LRMDA: variants seen among roughly 807,000 people sequenced by gnomAD.
The protein encoded by LRMDA is leucine rich melanocyte differentiation associated, also known as leucine-rich melanocyte differentiation-associated protein.
A neutral mutation model predicts 29.8 loss-of-function variants in LRMDA; 18 were observed. That is an observed-to-expected ratio of 0.60 (90% CI 0.42 to 0.90). The LOEUF (loss-of-function observed/expected upper bound fraction) is 0.90. Among genes scored for constraint, LRMDA ranks in the 40% least tolerant of loss-of-function variants. The pLI, the probability that LRMDA is intolerant of heterozygous loss-of-function variation, is 0.00. For synonymous variants in LRMDA, 125 were observed against 109.4 expected, an observed-to-expected ratio of 1.14 and a Z score of -0.89; for missense variants, 273 against 273.9, an observed-to-expected ratio of 1.00 and a Z score of 0.02.
intron 2 of LRMDA, among the ~76,000 whole-genome samples, chr10:75,836,524 C>T (rs1158589392): frequency 2.0e-5 from 3 of 152,218 alleles, no homozygotes; most frequent in African/African-American, 7.2e-5. Context: ...ATTTGAAAAG[C>T]AGTCCCTCTG....
intron 2 of LRMDA, among the ~76,000 whole-genome samples, chr10:75,632,899 G>A (rs1247131227): frequency 3.1e-5 from 4 of 128,592 alleles, no homozygotes; most frequent in Non-Finnish European, 6.2e-5. Context: ...CATTGACTTT[G>A]CTGTAAGGAT....
intron 2 of LRMDA, among the ~76,000 whole-genome samples, chr10:76,020,855 T>C (rs1847963543): frequency 1.3e-5 from 2 of 152,388 alleles, no homozygotes; most frequent in Admixed American, 6.5e-5. Context: ...ATGTCAACCT[T>C]GTGTTTTTCC....
At chr10:75,572,456 G>A (rs1466434808) in intron 2 of LRMDA, among the ~76,000 whole-genome samples, 1 of 151,970 alleles carries the variant, frequency 6.6e-6, no homozygotes, top group Non-Finnish European at 1.5e-5. Context: ...CTACCACATA[G>A]GAGAGAGTGC....
chr10:75,598,288 C>T (rs1004664651), intron 2 of LRMDA, among the ~76,000 whole-genome samples: 4 of 152,198 alleles, frequency 2.6e-5, no homozygotes, highest in South Asian at 4.1e-4. Flanking sequence ...ATTTTGCAGA[C>T]GCAGCGTGAA....
chr10:76,276,513 G>T (rs534262083), intron 5 of LRMDA, among the ~76,000 whole-genome samples: 61 of 152,136 alleles, frequency 4.0e-4, no homozygotes, highest in African/African-American at 1.4e-3. Flanking sequence ...TATAGCTTTT[G>T]TATCTTTCCT....
chr10:75,490,336 TACACACACACACACACACAC>T (rs56077469), intron 2 of LRMDA, among the ~76,000 whole-genome samples: 2 of 148,516 alleles, frequency 1.3e-5, no homozygotes, highest in Admixed American at 6.7e-5. Flanking sequence ...CATGTACACA[TACACACACACACACACACAC>T]ACACACACAC....
chr10:76,530,979 A>G (rs141007156), intron 6 of LRMDA, among the ~76,000 whole-genome samples: 58 of 152,316 alleles, frequency 3.8e-4, no homozygotes, highest in African/African-American at 1.3e-3. Flanking sequence ...CTCAGAACTG[A>G]GAACTTCTGT....
chr10:75,566,508 A>G (rs753458542), intron 2 of LRMDA, among the ~76,000 whole-genome samples: 19 of 152,138 alleles, frequency 1.2e-4, no homozygotes, highest in Non-Finnish European at 2.6e-4. Flanking sequence ...AGACTAAAAT[A>G]CTTTCTTAAA....
chr10:76,081,439 T>G (rs1357100898), intron 5 of LRMDA, among the ~76,000 whole-genome samples: 1 of 152,216 alleles, frequency 6.6e-6, no homozygotes, highest in South Asian at 2.1e-4. Context: ...GGTGACAGAA[T>G]GAGACTCCAT....
At position 76,386,390 on chromosome 10, in the gene LRMDA, C is replaced by T. The variant is rs139654481; in HGVS notation, c.601+61905C>T. ...GTTACTAATGCTGCTCACCCATTTT[C>T]GGTTAATACTAATAGTCTGTCTTCT... On this transcript the variant is annotated intron_variant, in intron 6 of 6. Transcript: ENST00000611255. 6.3e-3 allele frequency among the ~76,000 whole-genome samples: 958 copies of T among 152,278 alleles called. 9 individuals are homozygous for T. Among genetic ancestry groups the T allele is most frequent in the Non-Finnish European group, 7.9e-3 (538 of 68,014 alleles).
intron 2 of LRMDA, among the ~76,000 whole-genome samples, chr10:75,574,946 C>A (rs1485206205): frequency 6.6e-6 from 1 of 152,166 alleles, no homozygotes; most frequent in Non-Finnish European, 1.5e-5. Context: ...GTTCTGCAGG[C>A]TGTAGAGGAA....
intron 2 of LRMDA, among the ~76,000 whole-genome samples, chr10:75,963,711 T>A (rs1846808116): frequency 6.6e-6 from 1 of 152,200 alleles, no homozygotes; most frequent in African/African-American, 2.4e-5. Flanking sequence ...TGTACCTGCT[T>A]TTGAGTGAGG....
At chr10:75,980,746 C>T (rs1309254290) in intron 2 of LRMDA, among the ~76,000 whole-genome samples, 1 of 152,194 alleles carries the variant, frequency 6.6e-6, no homozygotes, top group Non-Finnish European at 1.5e-5. Context: ...TTTTACTCTT[C>T]TTACAAATTG....
At chr10:75,706,766 G>A (rs1316013394) in intron 2 of LRMDA, among the ~76,000 whole-genome samples, 3 of 135,950 alleles carry the variant, frequency 2.2e-5, no homozygotes, top group African/African-American at 8.6e-5. Context: ...TGAGGAAACT[G>A]AAACTCAGTG....
At chr10:76,286,109 G>C (rs1477002700) in intron 5 of LRMDA, among the ~76,000 whole-genome samples, 1 of 152,178 alleles carries the variant, frequency 6.6e-6, no homozygotes, top group Non-Finnish European at 1.5e-5. Context: ...CTCATTCAAA[G>C]AGTCGCTGTA....
At chr10:76,291,939 C>CAG (rs1000770649) in intron 5 of LRMDA, among the ~76,000 whole-genome samples, 14 of 149,716 alleles carry the variant, frequency 9.4e-5, no homozygotes, top group African/African-American at 2.8e-4. Context: ...CGTGCACACA[C>CAG]ACACACACAC....
chr10:76,101,107 G>C (rs939080144), intron 5 of LRMDA, among the ~76,000 whole-genome samples: 8 of 152,068 alleles, frequency 5.3e-5, no homozygotes, highest in Non-Finnish European at 1.5e-5. Flanking sequence ...TATTGCATGA[G>C]TGATATTCTC....
intron 2 of LRMDA, among the ~76,000 whole-genome samples, chr10:76,006,598 G>A (rs1847664118): frequency 6.6e-6 from 1 of 152,020 alleles, no homozygotes; most frequent in South Asian, 2.1e-4. Flanking sequence ...CCAATCTAGG[G>A]GAAAAAAATC....
At chr10:75,544,886 G>C (rs1262217429) in intron 2 of LRMDA, among the ~76,000 whole-genome samples, 1 of 152,158 alleles carries the variant, frequency 6.6e-6, no homozygotes, top group Non-Finnish European at 1.5e-5. Context: ...CACTAAGTCA[G>C]ATGTTTTAAA....
Sources: gnomAD v4.1 joint callset for allele counts (sites outside exome capture counted in the v4.1 genomes callset) on GRCh38, gnomAD v4.1.1 for gene constraint, MANE v1.5 for transcripts, NCBI Gene and HGNC (gene_info 2026-07-23, HGNC 2026-07-21) for gene names.